The following BRD1 variants were observed in gnomAD, a reference collection of about 807,000 sequenced individuals.
BRD1 encodes bromodomain-containing protein 1.
BRD1 carries 24 observed loss-of-function variants against 107.7 expected under a neutral mutation model. The observed-to-expected ratio is 0.22, with a 90% CI of 0.16 to 0.31. The LOEUF is 0.31. Among genes scored for constraint, BRD1 ranks in the 10% least tolerant of loss-of-function variants. The pLI, the probability that BRD1 is intolerant of heterozygous loss-of-function variation, is 1.00. For synonymous variants in BRD1, 744 were observed against 686.1 expected (o/e 1.08, Z -1.32); for missense variants, 1,279 against 1,638.6 (o/e 0.78, Z 3.79).
intron 6 of BRD1, among the ~76,000 whole-genome samples, chr22:49,797,565 C>T (rs996005835): frequency 2.0e-5 from 3 of 152,190 alleles, no homozygotes; most frequent in Non-Finnish European, 2.9e-5. Context: ...TAACGTTTAC[C>T]GATCCCATGT....
intron 6 of BRD1, among the ~76,000 whole-genome samples, chr22:49,797,052 A>G (rs1442691292): frequency 1.3e-5 from 2 of 152,234 alleles, no homozygotes; most frequent in African/African-American, 2.4e-5. Context: ...CTGGAGCTCT[A>G]TGTGCTTTGA....
intron 2 of BRD1, chr22:49,805,789 T>G (rs1382594883): frequency 1.3e-5 from 2 of 150,722 alleles, no homozygotes; most frequent in Non-Finnish European, 2.9e-5. Flanking sequence ...TTGCCCAGGC[T>G]GGAGTGCAGT....
chr22:49,776,939 T>C, intron 10 of BRD1, 95 bp downstream of exon 10: 3 of 1,541,348 alleles, frequency 1.9e-6, no homozygotes, highest in Non-Finnish European at 1.8e-6. Context: ...CAGGGCACCA[T>C]GCTCCCTGAG....
intron 6 of BRD1, among the ~76,000 whole-genome samples, chr22:49,796,672 T>TA (rs2059538300): frequency 3.9e-5 from 6 of 152,318 alleles, no homozygotes; most frequent in Admixed American, 3.9e-4. Context: ...CCCCAGTCTT[T>TA]AAAAGAGTAC....
Position 49,797,827 on chromosome 22 carries a change from C to A in BRD1, c.2076G>T (p.Arg692=). 1 of 1,604,032 alleles carries A rather than the reference C, an allele frequency of 6.2e-7. No individual in the cohort carries two copies. The change falls in exon 6 of 13, where the codon CGG becomes CGT. Residue 692 remains arginine, a synonymous_variant. Coordinates refer to ENST00000404760, the MANE Select transcript of BRD1 (RefSeq NM_001304808.3). ...HLPERPAAAP[R]RPFSWEDVDR... ...TACCGTCTTCCCAGGAGAAAGGCCG[C>A]CGCGGTGCCGCAGCAGGCCGCTCAG...
At chr22:49,810,537 G>C (rs1235627668) in intron 2 of BRD1, among the ~76,000 whole-genome samples, 2 of 152,152 alleles carry the variant, frequency 1.3e-5, no homozygotes, top group Non-Finnish European at 1.5e-5. Flanking sequence ...AAAACAATAA[G>C]ATGACCCACA....
Position 49,794,066 on chromosome 22 carries a change from C to A in BRD1, c.2327G>T (p.Gly776Val). Residue 776 changes from glycine (G) to valine (V), a missense_variant, in exon 7 of 13, where the codon GGA (glycine) becomes GTA (valine). This residue lies in a region of BRD1 where 406 missense variants were observed against 519.4 expected (regional missense o/e 0.78). Transcript: ENST00000404760. ...GCCCGCCTCCGGCCCCAGCGCAGCT[C>A]CGTCCTCTTCGAAGCCTTCCAAGCC... is the stretch of plus-strand genomic sequence containing the variant. Reference protein sequence around the residue: ...GPGLEGFEEDGAALGPEAGEE... With the variant: ...GPGLEGFEEDVAALGPEAGEE... 1.9e-6 allele frequency: 3 copies of A among 1,614,058 alleles called. No individual in the cohort carries two copies. The highest frequency in any genetic ancestry group is 2.5e-6 in the Non-Finnish European group (3 of 1,180,034).
intron 2 of BRD1, chr22:49,821,034 A>G (rs1453810502): frequency 6.6e-6 from 1 of 152,330 alleles, no homozygotes; most frequent in Non-Finnish European, 1.5e-5. Flanking sequence ...AGAACCACAC[A>G]GTACGCGGTT....
chr22:49,777,674 C>T lies in BRD1; in HGVS notation c.2993+4G>A, dbSNP rs1016156975. On this transcript the variant is annotated splice_donor_region_variant and intron_variant, in intron 9 of 12. Coordinates refer to ENST00000404760, the MANE Select transcript of BRD1 (RefSeq NM_001304808.3). ...GGTGGGAAGCGCAGGGCCGCGGTGC[C>T]CACCTCGAGTCGCAGAGCGGGCTGT... The T allele has an allele frequency of 4.1e-5, 65 of 1,604,380 alleles. No individual in the cohort carries two copies. Among genetic ancestry groups the T allele is most frequent in the Non-Finnish European group, 4.9e-5 (58 of 1,177,098 alleles).
chr22:49,775,870 C>G, intron 11 of BRD1, 125 bp from the exon 12 acceptor site: 9 of 1,235,204 alleles, frequency 7.3e-6, no homozygotes, highest in Non-Finnish European at 9.9e-6. Context: ...CACCCCCACG[C>G]CCCCCTCGCC....
chr22:49,774,829 C>T (rs1054877961), intron 12 of BRD1, among the ~76,000 whole-genome samples: 5 of 152,250 alleles, frequency 3.3e-5, no homozygotes, highest in South Asian at 4.1e-4. Flanking sequence ...GCAGTGGCCA[C>T]GTGGCCAAAG....
intron 4 of BRD1, 87 bp downstream of exon 4, chr22:49,798,901 G>A (rs370299709): frequency 8.6e-6 from 13 of 1,505,702 alleles, no homozygotes; most frequent in South Asian, 5.2e-5. Flanking sequence ...CCCACCGGGT[G>A]CAGCCCACCC....
intron 1 of BRD1, chr22:49,825,877 T>C (rs2060142030): frequency 6.6e-6 from 1 of 152,234 alleles, no homozygotes; most frequent in African/African-American, 2.4e-5. Flanking sequence ...ACAGAAATCC[T>C]CATTGTATGT....
chr22:49,801,462 T>C (rs1471805373), intron 3 of BRD1, among the ~76,000 whole-genome samples: 2 of 152,174 alleles, frequency 1.3e-5, no homozygotes, highest in Non-Finnish European at 2.9e-5. Flanking sequence ...CATCAGGTAC[T>C]TCCAAAGCTT....
chr22:49,821,906 C>A (rs2060074610), intron 2 of BRD1, among the ~76,000 whole-genome samples: 1 of 152,246 alleles, frequency 6.6e-6, no homozygotes, highest in African/African-American at 2.4e-5. Flanking sequence ...CGGCAGGCCC[C>A]ATCTGTGCTC....
intron 2 of BRD1, 40 bp downstream of exon 2, chr22:49,822,911 C>CT (rs757622397): frequency 6.2e-7 from 1 of 1,602,280 alleles, no homozygotes; most frequent in Non-Finnish European, 8.5e-7. Context: ...GGGTCCCACA[C>CT]TGCAGGCTCC....
At chr22:49,796,946 T>C (rs2059545759) in intron 6 of BRD1, among the ~76,000 whole-genome samples, 1 of 152,172 alleles carries the variant, frequency 6.6e-6, no homozygotes, top group African/African-American at 2.4e-5. Flanking sequence ...AGAGAAAGGG[T>C]AGGCCAAGAA....
chr22:49,810,493 C>T (rs1167736441), intron 2 of BRD1, among the ~76,000 whole-genome samples: 3 of 152,204 alleles, frequency 2.0e-5, no homozygotes, highest in East Asian at 3.8e-4. Flanking sequence ...CTCCATCCAA[C>T]TTGTAAATGT....
intron 2 of BRD1, among the ~76,000 whole-genome samples, chr22:49,820,183 T>C (rs956494220): frequency 1.1e-4 from 16 of 152,310 alleles, no homozygotes; most frequent in African/African-American, 3.8e-4. Flanking sequence ...ATTTTAATTT[T>C]TTAAACCACT....
Sources: allele counts gnomAD v4.1 joint callset (sites outside exome capture counted in the v4.1 genomes callset), GRCh38; gene constraint gnomAD v4.1.1; regional missense constraint gnomAD v4.1.1; transcripts MANE v1.5; gene names NCBI Gene and HGNC (gene_info 2026-07-23, HGNC 2026-07-21).